Variants in DDX60L observed in about 807,000 individuals in gnomAD.
DDX60L encodes the protein probable ATP-dependent RNA helicase DDX60-like.
In DDX60L, 191 loss-of-function variants were observed where a neutral mutation model predicts 211.6. The ratio of observed to expected loss-of-function variants is 0.90; its 90% CI spans 0.80 to 1.02. The LOEUF is 1.02. Among genes scored for constraint, DDX60L ranks in the 50% least tolerant of loss-of-function variants. DDX60L has a pLI of 0.00. For missense variants in DDX60L, 2,007 were observed against 1,984.1 expected (o/e 1.01, Z -0.22); for synonymous variants, 706 against 694.1 (o/e 1.02, Z -0.27).
chr4:168,401,147 G>T (rs746617205), intron 25 of DDX60L, among the ~76,000 whole-genome samples, 169 bp from the exon 26 acceptor site: 1 of 152,144 alleles, frequency 6.6e-6, no homozygotes, highest in Non-Finnish European at 1.5e-5. Flanking sequence ...GGAAGTAGGG[G>T]TTCAACATAC....
Position 168,453,290 on chromosome 4 carries a change from C to T in DDX60L, c.838-8G>A. 6.2e-7 allele frequency: 1 copy of T among 1,603,700 alleles called. No individual in the cohort carries two copies. Among genetic ancestry groups the T allele is most frequent in the African/African-American group, 1.3e-5 (1 of 74,512 alleles). ...TAGGCAATTACTGTGCACCTGCGTA[C>T]AATAAAGAAGATGAGAACAGTCACA... On this transcript the variant is annotated splice_region_variant and splice_polypyrimidine_tract_variant and intron_variant, in intron 7 of 37. Coordinates refer to ENST00000682922, the MANE Select transcript of DDX60L (RefSeq NM_001012967.3).
chr4:168,386,837 G>T (rs1324319215), intron 29 of DDX60L, among the ~76,000 whole-genome samples: 1 of 152,146 alleles, frequency 6.6e-6, no homozygotes, highest in African/African-American at 2.4e-5. Flanking sequence ...AAGATGGTTA[G>T]AAACAGTAAG....
At chr4:168,459,774 G>GGGAGGGAAGGAAGGAAGGAAGGAA (rs1757057820) in intron 5 of DDX60L, among the ~76,000 whole-genome samples, 1 of 56,918 alleles carries the variant, frequency 1.8e-5, no homozygotes, top group Non-Finnish European at 3.4e-5. Context: ...GAAGGAAGGA[G>GGGAGGGAAGGAAGGAAGGAAGGAA]GGAAGGAAGG....
At chr4:168,461,171 T>C (rs145235694) in intron 5 of DDX60L, among the ~76,000 whole-genome samples, 233 of 152,272 alleles carry the variant, frequency 1.5e-3, no homozygotes, top group African/African-American at 5.1e-3. Context: ...GTCCTTTTGG[T>C]GGCCAGCTCA....
chr4:168,440,292 A>C (rs1753641677), intron 10 of DDX60L, among the ~76,000 whole-genome samples: 1 of 152,246 alleles, frequency 6.6e-6, no homozygotes, highest in East Asian at 1.9e-4. Context: ...CCCACATGGA[A>C]GGTGGGAGTT....
At position 168,422,625 on chromosome 4, in the gene DDX60L, G is replaced by T. The variant is rs775540045; in HGVS notation, c.2143C>A (p.Pro715Thr). The change falls in exon 16 of 38, where the codon CCA (proline) becomes ACA (threonine). Residue 715 changes from proline (P) to threonine (T), a missense_variant. Pro to Thr is a conservative substitution (Grantham distance 38). Transcript: ENST00000682922. Reference protein sequence around the residue: ...NKKKYSIDIGPARFQLQYMGH... With the variant: ...NKKKYSIDIGTARFQLQYMGH... ...ATGTATTGCAGTTGAAACCGAGCTG[G>T]TCCAATGTCAATCGAATATTTCTTC... is the stretch of plus-strand genomic sequence containing the variant. The T allele has an allele frequency of 3.7e-5, 59 of 1,612,102 alleles. 1 individual carries two copies. The highest frequency in any genetic ancestry group is 4.8e-5 in the Non-Finnish European group (57 of 1,178,926).
At chr4:168,414,708 A>G (rs1053984608) in intron 22 of DDX60L, among the ~76,000 whole-genome samples, 1 of 152,102 alleles carries the variant, frequency 6.6e-6, no homozygotes, top group African/African-American at 2.4e-5. Flanking sequence ...CGTTTGCAAC[A>G]ACATAGATGG....
rs764655967 is a variant in DDX60L at position 168,391,571 on chromosome 4, G to A, written c.3884C>T (p.Ser1295Leu). 1.2e-6 allele frequency: 2 copies of A among 1,607,448 alleles called. No homozygotes were observed. Among genetic ancestry groups the A allele is most frequent in the Admixed American group, 3.4e-5 (2 of 59,462 alleles). Residue 1295 changes from serine (S) to leucine (L), a missense_variant, in exon 29 of 38, where the codon TCA becomes TTA. Coordinates refer to ENST00000682922, the MANE Select transcript of DDX60L (RefSeq NM_001012967.3). ...GTAATTTAAAGCATCCAGATAGACT[G>A]AGTCTTGGGCAAAAACAACAGATTT... ...PCKSVVFAQD[S>L]VYLDALNYRQ...
chr4:168,420,317 T>C lies in DDX60L; in HGVS notation c.2458A>G (p.Arg820Gly). 2.5e-6 allele frequency: 4 copies of C among 1,612,446 alleles called. No homozygotes were observed. The change falls in exon 18 of 38, where the codon AGA (arginine) becomes GGA (glycine). Residue 820 changes from arginine (R) to glycine (G), a missense_variant. Physicochemically the swap from Arg to Gly is moderately radical, Grantham distance 125. Coordinates refer to ENST00000682922, the MANE Select transcript of DDX60L (RefSeq NM_001012967.3). ...NRFTKTLPAG[R>G]TLCGAFTRDY... ...CTTGTAAAAGCACCGCATAGAGTTC[T>C]GCCGGCAGGCAACGTTTTAGTAAAA...
At chr4:168,458,722 G>A (rs1427955231) in intron 5 of DDX60L, among the ~76,000 whole-genome samples, 3 of 152,292 alleles carry the variant, frequency 2.0e-5, no homozygotes, top group East Asian at 3.9e-4. Context: ...TAGGTGATGG[G>A]TTGATAGGTG....
At chr4:168,400,726 G>A in intron 26 of DDX60L, 100 bp downstream of exon 26, 1 of 1,053,644 alleles carries the variant, frequency 9.5e-7, no homozygotes, top group Non-Finnish European at 1.3e-6. Context: ...GCAATAACAA[G>A]AACCTCTTTG....
intron 15 of DDX60L, 23 bp downstream of exon 15, chr4:168,423,579 TAAAGTA>T (rs765438466): frequency 1.1e-5 from 17 of 1,480,858 alleles, no homozygotes; most frequent in Admixed American, 5.1e-5. Context: ...AGTAAAAATT[TAAAGTA>T]TAAGAAATTC....
At position 168,430,548 on chromosome 4, in the gene DDX60L, G is replaced by A. The variant is rs368623576; in HGVS notation, c.1607C>T (p.Thr536Met). 3.3e-5 allele frequency: 53 copies of A among 1,610,812 alleles called. No individual in the cohort carries two copies. Among genetic ancestry groups the A allele is most frequent in the Middle Eastern group, 3.3e-4 (2 of 6,082 alleles). Residue 536 changes from threonine (T) to methionine (M), a missense_variant, in exon 13 of 38, where the codon ACG (threonine) becomes ATG (methionine). By Grantham distance (81) the Thr-to-Met change is moderately conservative (BLOSUM62 -1). Coordinates refer to ENST00000682922, the MANE Select transcript of DDX60L (RefSeq NM_001012967.3). ...FYGKSLESIS[T>M]KVIVTQTTRP... ...AGTAGTTTGAGTCACAATGACTTTC[G>A]TAGAGATTGATTCTAACGATTTCCC... is the stretch of plus-strand genomic sequence containing the variant.
chr4:168,359,456 TC>T, intron 37 of DDX60L, among the ~76,000 whole-genome samples: 1 of 152,308 alleles, frequency 6.6e-6, no homozygotes, highest in East Asian at 1.9e-4. Context: ...AATATCTCTT[TC>T]CCCATTGCAT....
rs772450562 is a variant in DDX60L, at chr4:168,371,599, C to T, written c.4928+13G>A. 1.3e-6 allele frequency: 2 copies of T among 1,512,372 alleles called. No homozygotes were observed. The highest frequency in any genetic ancestry group is 2.0e-5 in the Admixed American group (1 of 50,686). The allele number at this position is 1,512,372 out of a possible 1,614,324, so 93.7% of individuals were successfully genotyped here. On this transcript the variant is annotated intron_variant, in intron 36 of 37. Transcript: ENST00000682922. ...TATGTATATATTTTACAGAAACATA[C>T]CCATAAACTTACCCATTTTTTTGGT...
chr4:168,454,780 A>G (rs1336046630), intron 7 of DDX60L, among the ~76,000 whole-genome samples: 2 of 20,436 alleles, frequency 9.8e-5, no homozygotes, highest in African/African-American at 2.2e-4. Flanking sequence ...TTTTTTTTTT[A>G]GCAGCTAGAA....
intron 10 of DDX60L, among the ~76,000 whole-genome samples, chr4:168,436,795 T>A (rs1336506335): frequency 6.6e-6 from 1 of 152,170 alleles, no homozygotes; most frequent in African/African-American, 2.4e-5. Flanking sequence ...AAGAGAGGAA[T>A]GTTTCCACCA....
At chr4:168,457,261 T>C (rs375679959) in intron 6 of DDX60L, among the ~76,000 whole-genome samples, 4 of 145,192 alleles carry the variant, frequency 2.8e-5, no homozygotes, top group Non-Finnish European at 4.5e-5. Flanking sequence ...ATAAACTACA[T>C]ACACACACAC....
At chr4:168,427,034 C>G in intron 14 of DDX60L, 36 bp downstream of exon 14, 2 of 1,551,224 alleles carry the variant, frequency 1.3e-6, no homozygotes, top group Non-Finnish European at 1.7e-6. Context: ...ATATTTTCAT[C>G]ACTACTCTTT....
Sources: gnomAD v4.1 joint callset for allele counts (sites outside exome capture counted in the v4.1 genomes callset) on GRCh38, gnomAD v4.1.1 for gene constraint, MANE v1.5 for transcripts, NCBI Gene and HGNC (gene_info 2026-07-23, HGNC 2026-07-21) for gene names.